Variants in ZNF385B observed in about 807,000 individuals in gnomAD.
ZNF385B encodes the protein zinc finger protein 385B.
A neutral mutation model predicts 39.2 loss-of-function variants in ZNF385B; 23 were observed. The observed-to-expected ratio is 0.59, with a 90% CI of 0.42 to 0.83. ZNF385B has a LOEUF of 0.83. ZNF385B is among the 40% of genes least tolerant of loss of function. The pLI, the probability that ZNF385B is intolerant of heterozygous loss-of-function variation, is 0.00. For synonymous variants in ZNF385B, 205 were observed against 222.6 expected (o/e 0.92, Z 0.70); for missense variants, 552 against 598.9 (o/e 0.92, Z 0.82).
At chr2:179,511,572 A>G (rs1011946510) in intron 5 of ZNF385B, among the ~76,000 whole-genome samples, 2 of 152,176 alleles carry the variant, frequency 1.3e-5, no homozygotes, top group African/African-American at 2.4e-5. Context: ...ACTGTAGCAC[A>G]TGGGAATTGA....
intron 3 of ZNF385B, among the ~76,000 whole-genome samples, chr2:179,743,777 T>C (rs1702213553): frequency 6.6e-6 from 1 of 152,132 alleles, no homozygotes; most frequent in South Asian, 2.1e-4. Flanking sequence ...AAACAAAAAC[T>C]GTATTTAATA....
At chr2:179,447,263 G>A (rs1314430497) in intron 6 of ZNF385B, among the ~76,000 whole-genome samples, 4 of 152,070 alleles carry the variant, frequency 2.6e-5, no homozygotes, top group Non-Finnish European at 4.4e-5. Context: ...GAAGAAACAT[G>A]GTTAATTTTG....
intron 3 of ZNF385B, among the ~76,000 whole-genome samples, chr2:179,644,446 C>G (rs1343486098): frequency 6.6e-6 from 1 of 152,064 alleles, no homozygotes; most frequent in South Asian, 2.1e-4. Context: ...TGCTCTGCAT[C>G]GAAGTTATCA....
At chr2:179,815,083 G>A (rs1706978692) in intron 1 of ZNF385B, among the ~76,000 whole-genome samples, 1 of 152,194 alleles carries the variant, frequency 6.6e-6, no homozygotes, top group South Asian at 2.1e-4. Context: ...ATTGGGGAAA[G>A]GCCTGTGCTT....
At chr2:179,682,059 G>T (rs995105837) in intron 3 of ZNF385B, among the ~76,000 whole-genome samples, 1 of 152,128 alleles carries the variant, frequency 6.6e-6, no homozygotes, top group African/African-American at 2.4e-5. Flanking sequence ...GCCACCAAAG[G>T]TCATATATGC....
Position 179,861,108 on chromosome 2 carries a change from C to T in ZNF385B, c.-162G>A, listed in dbSNP as rs1360527486. 1.3e-5 allele frequency: 2 copies of T among 155,060 alleles called. No homozygotes were observed. The highest frequency in any genetic ancestry group is 2.4e-5 in the African/African-American group (1 of 41,336). The allele number at this position is 155,060 out of a possible 1,614,324, so 9.6% of individuals were successfully genotyped here. A position where few individuals can be genotyped will look rare whatever the true frequency, so the allele number is the denominator to read the frequency against. ...TGGGCGCCCAGAGCTTACCTCGGCG[C>T]GCGGGCCGCGGGCGCGTGGGGCAGT... On this transcript the variant is annotated 5_prime_UTR_variant, in exon 1 of 10. Coordinates refer to ENST00000410066, the MANE Select transcript of ZNF385B (RefSeq NM_152520.6).
intron 3 of ZNF385B, among the ~76,000 whole-genome samples, chr2:179,680,517 C>A (rs1439717474): frequency 6.6e-6 from 1 of 152,000 alleles, no homozygotes; most frequent in Non-Finnish European, 1.5e-5. Flanking sequence ...ATACGGGGAC[C>A]TTCTGATTGC....
intron 3 of ZNF385B, among the ~76,000 whole-genome samples, chr2:179,624,383 C>T (rs1690479013): frequency 6.6e-6 from 1 of 152,128 alleles, no homozygotes; most frequent in Non-Finnish European, 1.5e-5. Flanking sequence ...TCTTCTACCT[C>T]TGCACAAAGT....
intron 3 of ZNF385B, among the ~76,000 whole-genome samples, chr2:179,725,934 G>GTA: frequency 1.8e-5 from 2 of 112,838 alleles, no homozygotes; most frequent in East Asian, 4.1e-4. Context: ...ATATATATAT[G>GTA]TGTATATACA....
chr2:179,724,021 G>A (rs1406503998), intron 3 of ZNF385B, among the ~76,000 whole-genome samples: 10 of 151,950 alleles, frequency 6.6e-5, no homozygotes, highest in African/African-American at 2.4e-4. Flanking sequence ...CAATTTAAAG[G>A]CATTGGGTGG....
intron 3 of ZNF385B, among the ~76,000 whole-genome samples, chr2:179,556,811 TA>T: frequency 6.7e-6 from 1 of 148,880 alleles, no homozygotes; most frequent in Non-Finnish European, 1.5e-5. Flanking sequence ...AGGAGGTGAA[TA>T]GGGGAGACTA....
intron 1 of ZNF385B, among the ~76,000 whole-genome samples, chr2:179,848,169 G>A (rs1708896508): frequency 1.3e-5 from 2 of 152,184 alleles, no homozygotes; most frequent in African/African-American, 4.8e-5. Flanking sequence ...AATGGGCTCA[G>A]GGCAAATTTA....
intron 3 of ZNF385B, among the ~76,000 whole-genome samples, chr2:179,703,756 A>G (rs190598897): frequency 2.0e-4 from 30 of 152,358 alleles, no homozygotes; most frequent in Non-Finnish European, 3.2e-4. Context: ...ACAAATATTG[A>G]GTGCCCACAT....
chr2:179,517,103 G>A (rs953707317), intron 5 of ZNF385B, among the ~76,000 whole-genome samples: 2 of 151,794 alleles, frequency 1.3e-5, no homozygotes, highest in Non-Finnish European at 2.9e-5. Flanking sequence ...TGATCCATGT[G>A]TCTACCATTC....
At chr2:179,759,434 T>C (rs139325191) in intron 3 of ZNF385B, among the ~76,000 whole-genome samples, 3 of 152,334 alleles carry the variant, frequency 2.0e-5, no homozygotes, top group African/African-American at 4.8e-5. Flanking sequence ...CTGTTTTTCC[T>C]GTACCTCTGT....
intron 3 of ZNF385B, among the ~76,000 whole-genome samples, chr2:179,558,560 T>A (rs946524630): frequency 6.6e-6 from 1 of 152,140 alleles, no homozygotes; most frequent in Admixed American, 6.6e-5. Flanking sequence ...AAACACTTCA[T>A]AGCTATTCAA....
intron 1 of ZNF385B, among the ~76,000 whole-genome samples, chr2:179,819,101 T>A (rs894705839): frequency 2.6e-5 from 4 of 151,742 alleles, no homozygotes; most frequent in African/African-American, 9.7e-5. Flanking sequence ...TAGAACTTAA[T>A]GTCACCTTGC....
chr2:179,539,440 C>T (rs1163930842), intron 4 of ZNF385B, among the ~76,000 whole-genome samples: 2 of 152,196 alleles, frequency 1.3e-5, no homozygotes, highest in African/African-American at 4.8e-5. Context: ...TAGCAATCTA[C>T]ATATGTAAAT....
chr2:179,821,521 A>G (rs1347259703), intron 1 of ZNF385B, among the ~76,000 whole-genome samples: 1 of 152,142 alleles, frequency 6.6e-6, no homozygotes, highest in Non-Finnish European at 1.5e-5. Flanking sequence ...AACTAAAAAC[A>G]ATACTCTCGA....
Sources: allele counts gnomAD v4.1 joint callset (sites outside exome capture counted in the v4.1 genomes callset), GRCh38; gene constraint gnomAD v4.1.1; transcripts MANE v1.5; gene names NCBI Gene and HGNC (gene_info 2026-07-23, HGNC 2026-07-21).